KIAA1217: variants seen among roughly 807,000 people sequenced by gnomAD.
The protein encoded by KIAA1217 is KIAA1217.
A neutral mutation model predicts 163.9 loss-of-function variants in KIAA1217; 88 were observed. The observed-to-expected ratio is 0.54, with a 90% CI of 0.45 to 0.64. The LOEUF is 0.64. Ranked by LOEUF, KIAA1217 falls within the 30% of genes least tolerant of loss-of-function variation. The pLI is 0.00. For synonymous variants in KIAA1217, 903 were observed against 923.1 expected, an observed-to-expected ratio of 0.98 and a Z score of 0.39; for missense variants, 2,372 against 2,475.0, an observed-to-expected ratio of 0.96 and a Z score of 0.88.
intron 3 of KIAA1217, among the ~76,000 whole-genome samples, chr10:24,402,524 A>G (rs55978868): frequency 0.026 from 1,824 of 71,342 alleles, 33 homozygotes; most frequent in Non-Finnish European, 0.037. Context: ...AACAAAAAAC[A>G]AAACAAAAAA....
intron 2 of KIAA1217, among the ~76,000 whole-genome samples, chr10:24,155,568 C>T (rs1238285150): frequency 6.6e-6 from 1 of 152,170 alleles, no homozygotes; most frequent in Non-Finnish European, 1.5e-5. Flanking sequence ...TGCCTATAAT[C>T]CCAGCACTTT....
intron 6 of KIAA1217, among the ~76,000 whole-genome samples, chr10:24,487,690 G>A (rs1318615769): frequency 6.6e-6 from 1 of 152,158 alleles, no homozygotes; most frequent in Non-Finnish European, 1.5e-5. Context: ...TTCCTGCACT[G>A]TAAGTGAAAT....
chr10:24,490,253 C>T (rs2065941219), intron 6 of KIAA1217, among the ~76,000 whole-genome samples: 1 of 152,158 alleles, frequency 6.6e-6, no homozygotes, highest in Non-Finnish European at 1.5e-5. Context: ...ATCTTTTCAA[C>T]AGTAATTGTA....
chr10:23,729,983 G>A (rs1331168575), intron 1 of KIAA1217, among the ~76,000 whole-genome samples: 5 of 151,852 alleles, frequency 3.3e-5, no homozygotes, highest in African/African-American at 1.2e-4. Flanking sequence ...TTCACTGCAA[G>A]CTCCGCCTCC....
chr10:24,175,919 C>A lies in KIAA1217; in HGVS notation c.-170-43707C>A, dbSNP rs527291212. Among the ~76,000 whole-genome samples the A allele has an allele frequency of 3.7e-4, 57 of 152,278 alleles. No homozygotes were observed. The South Asian group carries it at 0.012, about 32-fold the overall frequency. Reference sequence around the variant, plus strand: ...CCATGAGTGTTACAGCTCATAAAGGCAGTGCGGACCCAAAGAGTGAGCAGC... The same window carrying A: ...CCATGAGTGTTACAGCTCATAAAGGAAGTGCGGACCCAAAGAGTGAGCAGC... On this transcript the variant is annotated intron_variant, in intron 2 of 18. Coordinates refer to the KIAA1217 transcript ENST00000376462.
intron 3 of KIAA1217, among the ~76,000 whole-genome samples, chr10:24,387,552 A>T (rs906226090): frequency 6.6e-5 from 10 of 152,210 alleles, no homozygotes; most frequent in Non-Finnish European, 1.5e-4. Context: ...AGTTCTGGCC[A>T]GGGCAATCAG....
At chr10:23,899,437 G>A (rs1295937520) in intron 1 of KIAA1217, among the ~76,000 whole-genome samples, 2 of 152,010 alleles carry the variant, frequency 1.3e-5, no homozygotes, top group Non-Finnish European at 2.9e-5. Context: ...GCATCTTTTT[G>A]TGCATCTGAC....
chr10:24,422,184 G>A (rs2058786137), intron 3 of KIAA1217, among the ~76,000 whole-genome samples: 2 of 152,118 alleles, frequency 1.3e-5, no homozygotes, highest in South Asian at 2.1e-4. Flanking sequence ...CCACCCCCAT[G>A]ATTCAGTTAC....
rs546486276 is a variant in KIAA1217 at position 24,357,768 on chromosome 10, C to G, written c.355-23101C>G. ...TATAGGATGAGTATTTTCCTCCTTTCAAGGTGTGAGAGCGACCAAGAAGCA... is the reference window on the plus strand; with the variant it reads ...TATAGGATGAGTATTTTCCTCCTTTGAAGGTGTGAGAGCGACCAAGAAGCA... On this transcript the variant is annotated intron_variant, in intron 2 of 20. Transcript: ENST00000376454. 3.3e-5 allele frequency among the ~76,000 whole-genome samples: 5 copies of G among 152,132 alleles called. No individual in the cohort carries two copies. In the South Asian group the frequency reaches 1.0e-3, roughly 32 times the overall value.
At chr10:23,837,262 A>G (rs1838515887) in intron 1 of KIAA1217, among the ~76,000 whole-genome samples, 1 of 152,082 alleles carries the variant, frequency 6.6e-6, no homozygotes, top group Non-Finnish European at 1.5e-5. Context: ...ATTCTGTGGC[A>G]CTTTCTTATG....
intron 1 of KIAA1217, among the ~76,000 whole-genome samples, chr10:23,723,621 C>A (rs1837980310): frequency 6.6e-6 from 1 of 152,022 alleles, no homozygotes; most frequent in African/African-American, 2.4e-5. Context: ...TTTCCAATTG[C>A]AAGTATTTCA....
intron 2 of KIAA1217, among the ~76,000 whole-genome samples, chr10:24,046,716 T>C (rs1015463366): frequency 1.3e-5 from 2 of 152,178 alleles, no homozygotes; most frequent in Non-Finnish European, 2.9e-5. Flanking sequence ...GGAATTACAA[T>C]CTGACAAAAG....
chr10:23,729,498 G>A (rs981381103), intron 1 of KIAA1217, among the ~76,000 whole-genome samples: 1 of 152,022 alleles, frequency 6.6e-6, no homozygotes, highest in East Asian at 1.9e-4. Flanking sequence ...ATTTTAATAG[G>A]TATGTACTAG....
chr10:24,323,100 C>T (rs767932571), intron 2 of KIAA1217, among the ~76,000 whole-genome samples: 2 of 146,764 alleles, frequency 1.4e-5, no homozygotes, highest in Middle Eastern at 3.5e-3. Context: ...TAGGCATGAA[C>T]CACCATGCCC....
At chr10:24,312,826 G>A (rs969858424) in intron 2 of KIAA1217, among the ~76,000 whole-genome samples, 4 of 152,044 alleles carry the variant, frequency 2.6e-5, no homozygotes, top group African/African-American at 9.6e-5. Flanking sequence ...GAGGTGGGAG[G>A]ATCACTTGAG....
intron 6 of KIAA1217, among the ~76,000 whole-genome samples, chr10:24,492,395 G>A (rs989837419): frequency 1.3e-5 from 2 of 152,122 alleles, no homozygotes; most frequent in Admixed American, 6.5e-5. Context: ...GTTTAGCATC[G>A]GCTGGTGTAC....
At chr10:24,461,166 A>C (rs936857698) in intron 5 of KIAA1217, among the ~76,000 whole-genome samples, 1 of 152,214 alleles carries the variant, frequency 6.6e-6, no homozygotes, top group East Asian at 1.9e-4. Context: ...TACATAGATC[A>C]ACATCAATTC....
chr10:23,966,029 G>T (rs1055608338), intron 1 of KIAA1217, among the ~76,000 whole-genome samples: 5 of 152,162 alleles, frequency 3.3e-5, no homozygotes, highest in Non-Finnish European at 4.4e-5. Flanking sequence ...TAGGACACTG[G>T]TTGTCAGTGG....
chr10:24,284,114 TG>T (rs2078282825), intron 2 of KIAA1217, among the ~76,000 whole-genome samples: 1 of 152,140 alleles, frequency 6.6e-6, no homozygotes, highest in Non-Finnish European at 1.5e-5. Flanking sequence ...TTCAGCATGT[TG>T]GCCAGGCTGG....
Sources: gnomAD v4.1 joint callset for allele counts (sites outside exome capture counted in the v4.1 genomes callset) on GRCh38, gnomAD v4.1.1 for gene constraint, MANE v1.5 for transcripts, NCBI Gene and HGNC (gene_info 2026-07-23, HGNC 2026-07-21) for gene names.